Variants in APTX observed in about 807,000 individuals in gnomAD.
The protein encoded by APTX is aprataxin.
APTX carries 33 observed loss-of-function variants against 42.3 expected under a neutral mutation model. The ratio of observed to expected loss-of-function variants is 0.78; its 90% CI spans 0.59 to 1.04. The LOEUF (loss-of-function observed/expected upper bound fraction) is 1.04. Ranked by LOEUF, APTX falls within the 50% of genes least tolerant of loss-of-function variation. The pLI is 0.00. For missense variants in APTX, 421 were observed against 415.1 expected, an observed-to-expected ratio of 1.01 and a Z score of -0.12; for synonymous variants, 130 against 146.7, an observed-to-expected ratio of 0.89 and a Z score of 0.82.
intron 1 of APTX, among the ~76,000 whole-genome samples, chr9:32,998,058 G>A (rs1279807806): frequency 6.6e-6 from 1 of 152,082 alleles, no homozygotes; most frequent in African/African-American, 2.4e-5. Flanking sequence ...ATGTTTAGGG[G>A]GTAAAACTAT....
At chr9:32,987,190 C>T (rs1832398295) in intron 4 of APTX, among the ~76,000 whole-genome samples, 1 of 152,138 alleles carries the variant, frequency 6.6e-6, no homozygotes, top group Admixed American at 6.5e-5. Context: ...CTTCTTTGCC[C>T]TCTCTCACTG....
At chr9:33,002,058 C>T (rs10813921), upstream of APTX, among the ~76,000 whole-genome samples, 1 of 152,064 alleles carries the variant, frequency 6.6e-6, no homozygotes, top group Non-Finnish European at 1.5e-5. Flanking sequence ...AAGAATGGAG[C>T]GGTAAGAGGC....
intron 1 of APTX, among the ~76,000 whole-genome samples, chr9:33,007,685 A>G (rs1174047765): frequency 6.6e-6 from 1 of 152,214 alleles, no homozygotes; most frequent in Non-Finnish European, 1.5e-5. Context: ...TTCTTACTGC[A>G]AGAACTGCGA....
At chr9:33,003,790 TTAATA>T (rs1405901602), upstream of APTX, among the ~76,000 whole-genome samples, 3 of 152,196 alleles carry the variant, frequency 2.0e-5, no homozygotes, top group South Asian at 2.1e-4. Flanking sequence ...CTTATTTCAC[TTAATA>T]TAATGTCCTC....
At chr9:33,018,472 G>C (rs1454451914) in intron 1 of APTX, among the ~76,000 whole-genome samples, 2 of 149,420 alleles carry the variant, frequency 1.3e-5, no homozygotes, top group Admixed American at 1.3e-4. Flanking sequence ...GGAGGCTGAG[G>C]CAAGAGAATC....
rs77069610 is a variant in APTX, at chr9:33,018,965, A to G, written c.-5+6058T>C. Among the ~76,000 whole-genome samples, 51 of 152,346 alleles carry G rather than the reference A, an allele frequency of 3.3e-4. No homozygotes were observed. In the East Asian group the frequency reaches 8.7e-3, roughly 26 times the overall value. ...AAACTGTCACAGTCAAGATGAGACT[A>G]AAGAGATATGATAACTCAAAGTAAT... On this transcript the variant is annotated intron_variant, in intron 1 of 6. Coordinates refer to the APTX transcript ENST00000436040.
At chr9:33,018,622 G>A (rs1838104339) in intron 1 of APTX, among the ~76,000 whole-genome samples, 1 of 148,356 alleles carries the variant, frequency 6.7e-6, no homozygotes, top group African/African-American at 2.5e-5. Flanking sequence ...GGCTTATGCA[G>A]TAATCCCAGC....
chr9:32,984,864 G>C lies in APTX; in HGVS notation c.544-7C>G, dbSNP rs139358480. 6.2e-7 allele frequency: 1 copy of C among 1,607,156 alleles called. No individual in the cohort carries two copies. The highest frequency in any genetic ancestry group is 1.3e-5 in the African/African-American group (1 of 74,878). ...CCTGCTCATCTTTGTAAACCTAGCAGAGGGATACAAGAGAAGGAAACAGAC... is the reference window on the plus strand; with the variant it reads ...CCTGCTCATCTTTGTAAACCTAGCACAGGGATACAAGAGAAGGAAACAGAC... On this transcript the variant is annotated splice_polypyrimidine_tract_variant and splice_region_variant and intron_variant, in intron 5 of 7. Coordinates refer to ENST00000379817, the MANE Select transcript of APTX (RefSeq NM_001195248.2).
At chr9:33,006,363 T>G (rs1258644317), upstream of APTX, among the ~76,000 whole-genome samples, 1 of 152,184 alleles carries the variant, frequency 6.6e-6, no homozygotes, top group Non-Finnish European at 1.5e-5. Flanking sequence ...TAGCTAGAAT[T>G]GTGAATAGCT....
intron 1 of APTX, among the ~76,000 whole-genome samples, chr9:33,013,180 T>C (rs77443661): frequency 0.071 from 10,742 of 152,334 alleles, 517 homozygotes; most frequent in Non-Finnish European, 0.11. Flanking sequence ...TGTTTATTTA[T>C]ATGTGGATAC....
Position 32,973,433 on chromosome 9 carries a change from C to T in APTX, c.*65G>A. On this transcript the variant is annotated 3_prime_UTR_variant, in exon 8 of 8. Coordinates refer to ENST00000379817, the MANE Select transcript of APTX (RefSeq NM_001195248.2). ...AATGAGTAGAAGTTCACAAGCAACC[C>T]AGAATAGGTGCCAGCAGTTTGCTCC... The T allele has an allele frequency of 6.4e-7, 1 of 1,571,478 alleles. No individual in the cohort carries two copies. Among genetic ancestry groups the T allele is most frequent in the Non-Finnish European group, 8.7e-7 (1 of 1,143,318 alleles).
At chr9:32,974,079 A>G (rs1828737504) in intron 7 of APTX, among the ~76,000 whole-genome samples, 2 of 152,074 alleles carry the variant, frequency 1.3e-5, no homozygotes, top group Non-Finnish European at 1.5e-5. Flanking sequence ...TCCCCCTGCT[A>G]ATTCACCACT....
At chr9:32,988,508 G>A (rs555598617) in intron 2 of APTX, among the ~76,000 whole-genome samples, 6 of 151,400 alleles carry the variant, frequency 4.0e-5, no homozygotes, top group East Asian at 3.9e-4. Context: ...GCAATACCCC[G>A]TCTCTACAAA....
chr9:33,004,199 T>C (rs1038625805), upstream of APTX, among the ~76,000 whole-genome samples: 12 of 152,226 alleles, frequency 7.9e-5, no homozygotes, highest in African/African-American at 2.9e-4. Flanking sequence ...ATGTTCTCAC[T>C]TATAATTGGC....
At chr9:33,003,497 C>T (rs932982362), upstream of APTX, among the ~76,000 whole-genome samples, 8 of 152,026 alleles carry the variant, frequency 5.3e-5, no homozygotes, top group Non-Finnish European at 8.8e-5. Flanking sequence ...CCTGGCGTGG[C>T]GGAACTCGCC....
At chr9:33,015,927 A>G (rs1837869312) in intron 1 of APTX, 1 of 152,238 alleles carries the variant, frequency 6.6e-6, no homozygotes, top group South Asian at 2.1e-4. Flanking sequence ...GCAGGGAAGG[A>G]AATTCAGATG....
Position 32,988,069 on chromosome 9 carries a change from A to G in APTX, c.180+14T>C. ...ATCATCGAGTATAAAATTCCAAGTTATAAATACACCTACCTGCTTTACCTT... is the reference window on the plus strand; with the variant it reads ...ATCATCGAGTATAAAATTCCAAGTTGTAAATACACCTACCTGCTTTACCTT... On this transcript the variant is annotated intron_variant, in intron 3 of 7. Transcript: ENST00000379817. The G allele has an allele frequency of 1.2e-6, 2 of 1,613,342 alleles. No individual in the cohort carries two copies. Among genetic ancestry groups the G allele is most frequent in the Non-Finnish European group, 1.7e-6 (2 of 1,179,256 alleles).
At chr9:32,974,072 C>A (rs1009415610) in intron 7 of APTX, among the ~76,000 whole-genome samples, 3 of 152,034 alleles carry the variant, frequency 2.0e-5, no homozygotes, top group Admixed American at 2.0e-4. Flanking sequence ...ACAGGGTTCC[C>A]CCTGCTAATT....
At chr9:33,016,192 C>G (rs1837888329) in intron 1 of APTX, 1 of 152,122 alleles carries the variant, frequency 6.6e-6, no homozygotes, top group Admixed American at 6.5e-5. Context: ...AGGTATATTC[C>G]CAACCTTGGA....
Sources: gnomAD v4.1 joint callset for allele counts (sites outside exome capture counted in the v4.1 genomes callset) on GRCh38, gnomAD v4.1.1 for gene constraint, MANE v1.5 for transcripts, NCBI Gene and HGNC (gene_info 2026-07-23, HGNC 2026-07-21) for gene names.